The following RAB10 variants were observed in gnomAD, a reference collection of about 807,000 sequenced individuals.
RAB10 encodes RAB10, member RAS oncogene family.
Under a neutral mutation model 25.7 loss-of-function variants are expected in RAB10, and 5 were observed. The ratio of observed to expected loss-of-function variants is 0.19; its 90% CI spans 0.10 to 0.41. The LOEUF is 0.41. Ranked by LOEUF, RAB10 falls within the 10% of genes least tolerant of loss-of-function variation. The pLI, the probability that RAB10 is intolerant of heterozygous loss-of-function variation, is 1.00. For missense variants in RAB10, 103 were observed against 245.8 expected, an observed-to-expected ratio of 0.42 and a Z score of 3.89; for synonymous variants, 89 against 86.4, an observed-to-expected ratio of 1.03 and a Z score of -0.16.
intron 1 of RAB10, among the ~76,000 whole-genome samples, chr2:26,055,066 T>A (rs557044169): frequency 6.6e-6 from 1 of 151,616 alleles, no homozygotes; most frequent in Admixed American, 6.6e-5. Flanking sequence ...TATAATCCCC[T>A]GTGTTTGCCA....
At chr2:26,060,820 T>G (rs982894501) in intron 1 of RAB10, among the ~76,000 whole-genome samples, 1 of 152,180 alleles carries the variant, frequency 6.6e-6, no homozygotes, top group African/African-American at 2.4e-5. Flanking sequence ...TAAAACTTAC[T>G]AGTTACAAAA....
intron 1 of RAB10, among the ~76,000 whole-genome samples, chr2:26,040,965 G>T (rs994039566): frequency 4.0e-5 from 6 of 151,866 alleles, no homozygotes; most frequent in African/African-American, 1.5e-4. Flanking sequence ...TACTGGTATG[G>T]TACACTCAAC....
chr2:26,100,690 A>C (rs774610983), intron 2 of RAB10, among the ~76,000 whole-genome samples: 1 of 152,210 alleles, frequency 6.6e-6, no homozygotes, highest in Non-Finnish European at 1.5e-5. Flanking sequence ...TTTTTTGGTA[A>C]CATAATGAAG....
At chr2:26,062,734 C>G (rs1436181490) in intron 1 of RAB10, among the ~76,000 whole-genome samples, 1 of 151,884 alleles carries the variant, frequency 6.6e-6, no homozygotes, top group African/African-American at 2.4e-5. Flanking sequence ...TTCAAACTGG[C>G]TTAAACAACA....
chr2:26,106,631 A>G (rs1050593565), intron 2 of RAB10, among the ~76,000 whole-genome samples: 2 of 152,170 alleles, frequency 1.3e-5, no homozygotes, highest in African/African-American at 4.8e-5. Flanking sequence ...CACGCCTATA[A>G]CCCCAGCACT....
intron 2 of RAB10, among the ~76,000 whole-genome samples, chr2:26,099,579 C>T (rs534611535): frequency 2.2e-5 from 3 of 139,458 alleles, no homozygotes; most frequent in Non-Finnish European, 3.1e-5. Context: ...CTCGCTCTGT[C>T]GCCCATGCTG....
At chr2:26,079,610 G>T (rs1666822380) in intron 1 of RAB10, among the ~76,000 whole-genome samples, 1 of 146,858 alleles carries the variant, frequency 6.8e-6, no homozygotes, top group African/African-American at 2.5e-5. Context: ...CCAGATCTTG[G>T]ACTATAAATA....
rs928745262 is a variant in RAB10 at position 26,121,235 on chromosome 2, G to A, written c.328-5909G>A. On this transcript the variant is annotated intron_variant, in intron 3 of 5. Coordinates refer to ENST00000264710, the MANE Select transcript of RAB10 (RefSeq NM_016131.5). ...TATAATTTTTCTTTGTTAAGCTTGTGATTCTACTAAGGGTATCGTCCTTGC... is the reference window on the plus strand; with the variant it reads ...TATAATTTTTCTTTGTTAAGCTTGTAATTCTACTAAGGGTATCGTCCTTGC... 3.3e-5 allele frequency among the ~76,000 whole-genome samples: 5 copies of A among 152,286 alleles called. No homozygotes were observed. The East Asian group carries it at 7.7e-4, about 23-fold the overall frequency.
At chr2:26,080,789 C>G (rs1234283030) in intron 1 of RAB10, among the ~76,000 whole-genome samples, 41 of 152,140 alleles carry the variant, frequency 2.7e-4, no homozygotes, top group Non-Finnish European at 5.9e-5. Flanking sequence ...CGCTTGACTC[C>G]CAAGAAATTT....
At chr2:26,069,002 T>C (rs1268122275) in intron 1 of RAB10, among the ~76,000 whole-genome samples, 1 of 152,220 alleles carries the variant, frequency 6.6e-6, no homozygotes, top group East Asian at 1.9e-4. Flanking sequence ...TTTAAGAATT[T>C]CTAGTTTGTC....
chr2:26,053,025 A>G (rs1666169239), intron 1 of RAB10, among the ~76,000 whole-genome samples: 1 of 152,146 alleles, frequency 6.6e-6, no homozygotes, highest in Non-Finnish European at 1.5e-5. Flanking sequence ...TGCAATGTCT[A>G]TTCATTGAAA....
In RAB10 at chr2:26,127,494, G is replaced by A. The variant is rs536330995; in HGVS notation, c.417+261G>A. ...AGAAAAATATAAGTCATTAATCCTC[G>A]GTTTTTAAACTTAGGACTTTAAGGA... On this transcript the variant is annotated intron_variant, in intron 4 of 5. Coordinates refer to ENST00000264710, the MANE Select transcript of RAB10 (RefSeq NM_016131.5). Among the ~76,000 whole-genome samples, 92 of 151,954 alleles carry A rather than the reference G, an allele frequency of 6.1e-4. 1 individual carries two copies. The highest frequency in any genetic ancestry group is 2.1e-3 in the African/African-American group (85 of 41,426).
At chr2:26,069,538 C>T (rs1305061180) in intron 1 of RAB10, among the ~76,000 whole-genome samples, 4 of 151,534 alleles carry the variant, frequency 2.6e-5, no homozygotes, top group Admixed American at 1.3e-4. Context: ...TGGTGGTGGG[C>T]GCCTGTAATC....
chr2:26,047,269 T>G (rs1269477593), intron 1 of RAB10, among the ~76,000 whole-genome samples: 1 of 152,188 alleles, frequency 6.6e-6, no homozygotes, highest in East Asian at 1.9e-4. Flanking sequence ...GTCCTCCATT[T>G]CTAAAATTTT....
chr2:26,112,238 A>G (rs772166029), intron 3 of RAB10, among the ~76,000 whole-genome samples: 2 of 152,154 alleles, frequency 1.3e-5, no homozygotes, highest in Non-Finnish European at 2.9e-5. Flanking sequence ...TGATTAAATC[A>G]TTGACTTCTG....
At chr2:26,051,981 C>G (rs760022875) in intron 1 of RAB10, among the ~76,000 whole-genome samples, 2 of 151,206 alleles carry the variant, frequency 1.3e-5, no homozygotes, top group South Asian at 4.2e-4. Flanking sequence ...CACTTGAACC[C>G]GGGAGGCGGA....
chr2:26,131,030 C>CTTTTTTTTT (rs36069349), intron 5 of RAB10, among the ~76,000 whole-genome samples: 1 of 110,300 alleles, frequency 9.1e-6, no homozygotes, highest in Non-Finnish European at 1.9e-5. Context: ...TCAGTCTTGG[C>CTTTTTTTTT]TTTTTTTTTT....
At chr2:26,120,418 T>C (rs1402619813) in intron 3 of RAB10, among the ~76,000 whole-genome samples, 1 of 152,220 alleles carries the variant, frequency 6.6e-6, no homozygotes, top group Non-Finnish European at 1.5e-5. Flanking sequence ...AGTCCATCCT[T>C]AGATTCTGAG....
intron 1 of RAB10, among the ~76,000 whole-genome samples, chr2:26,044,396 G>C (rs1665951992): frequency 6.6e-6 from 1 of 152,102 alleles, no homozygotes; most frequent in Non-Finnish European, 1.5e-5. Flanking sequence ...TTGTCTTTTT[G>C]TTGTCTGTAT....
Sources: allele counts gnomAD v4.1 joint callset (sites outside exome capture counted in the v4.1 genomes callset), GRCh38; gene constraint gnomAD v4.1.1; transcripts MANE v1.5; gene names NCBI Gene and HGNC (gene_info 2026-07-23, HGNC 2026-07-21).